TNFRSF10B: variants seen among roughly 807,000 people sequenced by gnomAD.
TNFRSF10B encodes TNF receptor superfamily member 10b.
Under a neutral mutation model 41.4 loss-of-function variants are expected in TNFRSF10B, and 35 were observed. The observed-to-expected ratio is 0.85, with a 90% confidence interval of 0.65 to 1.12. The LOEUF is 1.12. Among genes scored for constraint, TNFRSF10B ranks in the 50% most tolerant of loss-of-function variants. TNFRSF10B has a pLI of 0.00. For synonymous variants in TNFRSF10B, 230 were observed against 215.5 expected (o/e 1.07, Z -0.59); for missense variants, 584 against 552.7 (o/e 1.06, Z -0.57).
intron 1 of TNFRSF10B, among the ~76,000 whole-genome samples, chr8:23,058,675 G>A (rs1812739761): frequency 6.6e-6 from 1 of 151,900 alleles, no homozygotes; most frequent in South Asian, 2.1e-4. Context: ...AGTAGAGATG[G>A]GGTTTCTCCG....
intron 2 of TNFRSF10B, among the ~76,000 whole-genome samples, chr8:23,031,260 T>G (rs769713416): frequency 2.0e-5 from 3 of 152,032 alleles, no homozygotes; most frequent in Non-Finnish European, 4.4e-5. Flanking sequence ...ATTTTTTTAG[T>G]AGAGACAGGG....
At chr8:23,046,695 A>G (rs1812376109) in intron 1 of TNFRSF10B, among the ~76,000 whole-genome samples, 1 of 152,016 alleles carries the variant, frequency 6.6e-6, no homozygotes, top group African/African-American at 2.4e-5. Context: ...ACACTACCTG[A>G]TTTCAAACTA....
chr8:23,043,967 CACCATCACA>C, intron 1 of TNFRSF10B, among the ~76,000 whole-genome samples: 1 of 152,290 alleles, frequency 6.6e-6, no homozygotes, highest in South Asian at 2.1e-4. Flanking sequence ...TGCATGGAGC[CACCATCACA>C]TATGCAGTCT....
At chr8:23,043,040 T>C in intron 2 of TNFRSF10B, 98 bp downstream of exon 2, 1 of 1,167,406 alleles carries the variant, frequency 8.6e-7, no homozygotes, top group Non-Finnish European at 1.2e-6. Context: ...AATGCCTCTC[T>C]GTGGAATAAA....
chr8:23,047,427 G>A (rs1812396808), intron 1 of TNFRSF10B, among the ~76,000 whole-genome samples: 1 of 151,876 alleles, frequency 6.6e-6, no homozygotes, highest in Admixed American at 6.6e-5. Context: ...TACAGACTGG[G>A]AGAAAATATT....
chr8:23,059,917 A>G (rs918344530), intron 1 of TNFRSF10B, among the ~76,000 whole-genome samples: 8 of 152,148 alleles, frequency 5.3e-5, no homozygotes, highest in Admixed American at 2.0e-4. Context: ...CTTTTCATAT[A>G]CTTATTGACC....
chr8:23,030,091 G>A (rs1811836090), intron 3 of TNFRSF10B, among the ~76,000 whole-genome samples: 1 of 152,178 alleles, frequency 6.6e-6, no homozygotes, highest in Non-Finnish European at 1.5e-5. Flanking sequence ...CTGCTGGGGA[G>A]GAGGGAGAGG....
intron 5 of TNFRSF10B, 93 bp downstream of exon 5, chr8:23,028,235 ACTT>A: frequency 6.4e-7 from 1 of 1,566,392 alleles, no homozygotes; most frequent in East Asian, 2.2e-5. Flanking sequence ...AGGCACTTAG[ACTT>A]GGGGCAGGGG....
At chr8:23,027,688 C>T in intron 6 of TNFRSF10B, 34 bp downstream of exon 6, 2 of 1,614,052 alleles carry the variant, frequency 1.2e-6, no homozygotes, top group Non-Finnish European at 1.7e-6. Context: ...TTCCTGAACC[C>T]CTGAGCCCCC....
intron 1 of TNFRSF10B, among the ~76,000 whole-genome samples, chr8:23,063,411 G>A (rs556200510): frequency 2.6e-5 from 4 of 151,464 alleles, no homozygotes; most frequent in South Asian, 2.1e-4. Flanking sequence ...AAATCTTTTA[G>A]CATTTTGTGT....
chr8:23,027,371 G>A (rs546339321), intron 6 of TNFRSF10B, 83 bp from the exon 7 acceptor site: 3 of 1,530,696 alleles, frequency 2.0e-6, no homozygotes, highest in South Asian at 1.1e-5. Context: ...GTATGCAGCT[G>A]CACCTGACAT....
intron 1 of TNFRSF10B, among the ~76,000 whole-genome samples, chr8:23,046,475 T>C (rs1278059075): frequency 6.6e-6 from 1 of 152,106 alleles, no homozygotes; most frequent in Non-Finnish European, 1.5e-5. Flanking sequence ...AAATAAATGT[T>C]CATGACTTGG....
intron 1 of TNFRSF10B, among the ~76,000 whole-genome samples, chr8:23,063,381 T>C (rs571193653): frequency 6.6e-6 from 1 of 152,176 alleles, no homozygotes; most frequent in South Asian, 2.1e-4. Context: ...TTCCATTTCA[T>C]TTCATCTCTA....
Position 23,020,650 on chromosome 8 carries a change from C to T in TNFRSF10B, c.*2021G>A. On this transcript the variant is annotated 3_prime_UTR_variant, in exon 9 of 9. Coordinates refer to ENST00000276431, the MANE Select transcript of TNFRSF10B (RefSeq NM_003842.5). ...GAGGTTGCACTGAGCCAAGATCGTA[C>T]CGTTGCACTCCAGCCTGGGCGAGAG... 2.2e-6 allele frequency: 1 copy of T among 453,996 alleles called. No individual in the cohort carries two copies. The highest frequency in any genetic ancestry group is 2.0e-5 in the African/African-American group (1 of 50,084). 28.1% of individuals were successfully genotyped at this position (453,996 alleles called of 1,614,324 possible). A position where few individuals can be genotyped will look rare whatever the true frequency, so the allele number is the denominator to read the frequency against.
chr8:23,032,771 C>T (rs1472551815), intron 2 of TNFRSF10B, among the ~76,000 whole-genome samples: 1 of 152,142 alleles, frequency 6.6e-6, no homozygotes, highest in African/African-American at 2.4e-5. Context: ...ATTTCATTGA[C>T]AATGACATAA....
intron 1 of TNFRSF10B, among the ~76,000 whole-genome samples, chr8:23,054,266 TAGG>T (rs1287279085): frequency 1.3e-5 from 2 of 152,224 alleles, no homozygotes; most frequent in East Asian, 3.8e-4. Flanking sequence ...ACTGAACTAA[TAGG>T]AGACTGAAGT....
Position 23,021,450 on chromosome 8 carries a change from C to T in TNFRSF10B, c.*1221G>A, listed in dbSNP as rs1163268790. 7 of 454,176 alleles carry T rather than the reference C, an allele frequency of 1.5e-5. No individual in the cohort carries two copies. The highest frequency in any genetic ancestry group is 9.3e-5 in the South Asian group (6 of 64,478). The allele number at this position is 454,176 out of a possible 1,614,324, so 28.1% of individuals were successfully genotyped here. A position where few individuals can be genotyped will look rare whatever the true frequency, so the allele number is the denominator to read the frequency against. Reference sequence around the variant, plus strand: ...TTCTCAAGCACCATCTACTCTTCCCCCTTGATGCCATGGCAGACGTGGGAG... The same window carrying T: ...TTCTCAAGCACCATCTACTCTTCCCTCTTGATGCCATGGCAGACGTGGGAG... On this transcript the variant is annotated 3_prime_UTR_variant, in exon 9 of 9. Transcript: ENST00000276431.
At chr8:23,023,034 G>C (rs752384813) in intron 8 of TNFRSF10B, 50 bp from the exon 9 acceptor site, 5 of 1,595,640 alleles carry the variant, frequency 3.1e-6, no homozygotes, top group Non-Finnish European at 4.3e-6. Context: ...ACTCAGAAAG[G>C]GCAGAGGATT....
intron 1 of TNFRSF10B, among the ~76,000 whole-genome samples, chr8:23,058,062 C>T (rs1407406011): frequency 6.6e-6 from 1 of 152,166 alleles, no homozygotes; most frequent in Non-Finnish European, 1.5e-5. Context: ...GACTGGCCAA[C>T]ATGGTGAAAC....
Sources: allele counts gnomAD v4.1 joint callset (sites outside exome capture counted in the v4.1 genomes callset), GRCh38; gene constraint gnomAD v4.1.1; transcripts MANE v1.5; gene names NCBI Gene and HGNC (gene_info 2026-07-23, HGNC 2026-07-21).